FBLN5: variants seen among roughly 807,000 people sequenced by gnomAD.
The protein encoded by FBLN5 is fibulin-5.
Under a neutral mutation model 61.6 loss-of-function variants are expected in FBLN5, and 24 were observed. That is an observed-to-expected ratio of 0.39 (90% CI 0.28 to 0.55). The LOEUF (loss-of-function observed/expected upper bound fraction) is 0.55. Among genes scored for constraint, FBLN5 ranks in the 20% least tolerant of loss-of-function variants. FBLN5 has a pLI of 0.65. For missense variants in FBLN5, 470 were observed against 594.1 expected (o/e 0.79, Z 2.17); for synonymous variants, 213 against 219.8 (o/e 0.97, Z 0.27).
At chr14:91,909,748 T>A (rs1023748911) in intron 4 of FBLN5, among the ~76,000 whole-genome samples, 2 of 152,174 alleles carry the variant, frequency 1.3e-5, no homozygotes, top group Non-Finnish European at 2.9e-5. Flanking sequence ...TCCAGAACCA[T>A]GAGCTAAATA....
rs537195977 is a variant in FBLN5 at position 91,943,509 on chromosome 14, C to T, written c.18-548G>A. Among the ~76,000 whole-genome samples the T allele has an allele frequency of 6.6e-6, 1 of 151,634 alleles. No homozygotes were observed. The highest frequency in any genetic ancestry group is 2.1e-4 in the South Asian group (1 of 4,796). On this transcript the variant is annotated intron_variant, in intron 1 of 10. Coordinates refer to ENST00000342058, the MANE Select transcript of FBLN5 (RefSeq NM_006329.4). The surrounding 1 kb of genome is among the most constrained non-coding windows in gnomAD (Gnocchi z 4.0). The stretch of plus-strand genomic sequence containing the variant: ...GGGTGACAGAGCGAGACCTTGTCCT[C>T]CCCCCACCCCCCAAAAAAGCTAAAA...
chr14:91,946,978 T>C, intron 1 of FBLN5: 1 of 1,473,250 alleles, frequency 6.8e-7, no homozygotes, highest in South Asian at 1.4e-5. Context: ...CAGCCCTCTC[T>C]GATGCTGGCT....
In FBLN5 at chr14:91,871,843, A is replaced by C. The variant is rs1220252915; in HGVS notation, c.1186-1458T>G. ...CTATACTCCACCCTGGACAACGGCGAGACTCCAGCTAAAAAAAAAAAAAAA... is the reference window on the plus strand; with the variant it reads ...CTATACTCCACCCTGGACAACGGCGCGACTCCAGCTAAAAAAAAAAAAAAA... On this transcript the variant is annotated intron_variant, in intron 10 of 10. Transcript: ENST00000342058. Among the ~76,000 whole-genome samples, 6 of 149,826 alleles carry C rather than the reference A, an allele frequency of 4.0e-5. No homozygotes were observed. In the East Asian group the frequency reaches 1.2e-3, roughly 29 times the overall value.
chr14:91,914,840 GTTTTGTT>G (rs947996171), intron 4 of FBLN5, among the ~76,000 whole-genome samples: 2 of 149,962 alleles, frequency 1.3e-5, no homozygotes, highest in Admixed American at 6.6e-5. Flanking sequence ...GTTTTGTTTT[GTTTTGTT>G]TTTTGTTTTT....
At chr14:91,942,861 G>T (rs371468999) in intron 2 of FBLN5, 46 bp downstream of exon 2, 8 of 1,303,220 alleles carry the variant, frequency 6.1e-6, no homozygotes, top group Non-Finnish European at 8.7e-6. Flanking sequence ...CCCTCACCCC[G>T]GATTTTAATA....
intron 9 of FBLN5, among the ~76,000 whole-genome samples, chr14:91,879,431 G>A (rs548308175): frequency 5.9e-5 from 9 of 152,356 alleles, no homozygotes; most frequent in Admixed American, 3.9e-4. Context: ...CAAGGAGCTG[G>A]AAGGGGCTGC....
At chr14:91,871,953 T>C (rs969457598) in intron 10 of FBLN5, among the ~76,000 whole-genome samples, 64 of 152,200 alleles carry the variant, frequency 4.2e-4, no homozygotes, top group African/African-American at 1.5e-3. Flanking sequence ...GAGCTTCTTA[T>C]AAATGCAGAA....
intron 4 of FBLN5, among the ~76,000 whole-genome samples, chr14:91,911,091 C>G (rs1275624984): frequency 6.6e-6 from 1 of 151,984 alleles, no homozygotes; most frequent in African/African-American, 2.4e-5. Flanking sequence ...TCAAGTGATT[C>G]TCCCGCCTCA....
At chr14:91,897,695 C>T (rs1045371877) in intron 4 of FBLN5, among the ~76,000 whole-genome samples, 2 of 152,164 alleles carry the variant, frequency 1.3e-5, no homozygotes, top group Admixed American at 6.5e-5. Flanking sequence ...GTATTCAGGC[C>T]GAAGATCAAA....
chr14:91,941,843 G>C lies in FBLN5; in HGVS notation c.72+1064C>G, dbSNP rs2056110440. Among the ~76,000 whole-genome samples the C allele has an allele frequency of 2.0e-5, 3 of 152,174 alleles. No individual in the cohort carries two copies. The South Asian group carries it at 6.2e-4, about 31-fold the overall frequency. On this transcript the variant is annotated intron_variant, in intron 2 of 10. Transcript: ENST00000342058. ...CGATGTATGTTAATCTATATAACGT[G>C]CCTAAAGTGCAGTAAACACGACCCT...
At chr14:91,913,116 T>C (rs1891028974) in intron 4 of FBLN5, among the ~76,000 whole-genome samples, 1 of 152,222 alleles carries the variant, frequency 6.6e-6, no homozygotes, top group African/African-American at 2.4e-5. Context: ...CTCTATTCCC[T>C]TAGGGAAGTC....
Position 91,870,332 on chromosome 14 carries a change from G to C in FBLN5, c.1239C>G (p.Pro413=), listed in dbSNP as rs1280660623. 5 of 1,614,162 alleles carry C rather than the reference G, an allele frequency of 3.1e-6. No homozygotes were observed. In the East Asian group the frequency reaches 1.1e-4, roughly 36 times the overall value. Residue 413 remains proline, a synonymous_variant, in exon 11 of 11, where the codon CCC becomes CCG. Coordinates refer to ENST00000342058, the MANE Select transcript of FBLN5 (RefSeq NM_006329.4). Reference sequence around the variant, plus strand: ...TTTCCAAGTCCAGCTGGATTTCCCGGGGCCCTTTGATGGGGCGTGTCATCA... The same window carrying C: ...TTTCCAAGTCCAGCTGGATTTCCCGCGGCCCTTTGATGGGGCGTGTCATCA... ...TLVMTRPIKG[P]REIQLDLEMI...
chr14:91,899,100 C>T (rs376977657), intron 4 of FBLN5, among the ~76,000 whole-genome samples: 11 of 152,214 alleles, frequency 7.2e-5, no homozygotes, highest in African/African-American at 1.9e-4. Context: ...CCGTGCCCGG[C>T]CCCCATTCAT....
intron 4 of FBLN5, among the ~76,000 whole-genome samples, chr14:91,910,622 G>T (rs955596975): frequency 6.6e-6 from 1 of 152,042 alleles, no homozygotes; most frequent in African/African-American, 2.4e-5. Flanking sequence ...AGAAATAATC[G>T]ATCTGTGATC....
chr14:91,947,433 C>G lies in FBLN5; in HGVS notation c.-204G>C, dbSNP rs887553368. 1 of 648,318 alleles carries G rather than the reference C, an allele frequency of 1.5e-6. No homozygotes were observed. The highest frequency in any genetic ancestry group is 2.7e-5 in the East Asian group (1 of 36,766). 40.2% of individuals were successfully genotyped at this position (648,318 alleles called of 1,614,324 possible). A position where few individuals can be genotyped will look rare whatever the true frequency, so the allele number is the denominator to read the frequency against. On this transcript the variant is annotated 5_prime_UTR_variant, in exon 1 of 11. Coordinates refer to ENST00000342058, the MANE Select transcript of FBLN5 (RefSeq NM_006329.4). The surrounding 1 kb of genome is among the most constrained non-coding windows in gnomAD (Gnocchi z 4.3). ...ACTGCAGAGCCCTCAGCGCAAGCAC[C>G]TGGTTTTGCTTAGCCCTCTTCAGTA...
chr14:91,913,902 G>A (rs1891069932), intron 4 of FBLN5, among the ~76,000 whole-genome samples: 2 of 152,138 alleles, frequency 1.3e-5, no homozygotes, highest in Admixed American at 1.3e-4. Flanking sequence ...AGTGATTACA[G>A]GGAAAATTAA....
intron 4 of FBLN5, among the ~76,000 whole-genome samples, chr14:91,930,709 G>A (rs1476396296): frequency 6.6e-6 from 1 of 152,184 alleles, no homozygotes; most frequent in Non-Finnish European, 1.5e-5. Flanking sequence ...ATTAGGGGCT[G>A]AGGTTCCTAC....
At chr14:91,902,282 T>TG (rs1433927139) in intron 4 of FBLN5, among the ~76,000 whole-genome samples, 372 of 7,308 alleles carry the variant, frequency 0.051, 4 homozygotes, top group Admixed American at 0.13. Flanking sequence ...TGTTTGTTTG[T>TG]TTTTTTTTTT....
At chr14:91,889,138 A>G (rs1361932106) in intron 6 of FBLN5, among the ~76,000 whole-genome samples, 1 of 152,162 alleles carries the variant, frequency 6.6e-6, no homozygotes, top group African/African-American at 2.4e-5. Context: ...ACTGGCCCCC[A>G]CCAGTGCCCG....
Sources: gnomAD v4.1 joint callset for allele counts (sites outside exome capture counted in the v4.1 genomes callset) on GRCh38, gnomAD v4.1.1 for gene constraint, Gnocchi (gnomAD v3.1) non-coding constraint, MANE v1.5 for transcripts, NCBI Gene and HGNC (gene_info 2026-07-23, HGNC 2026-07-21) for gene names.